Variants in PPFIBP1 observed in about 807,000 individuals in gnomAD.
PPFIBP1 encodes PPFIB scaffold protein 1.
PPFIBP1 carries 112 observed loss-of-function variants against 137.8 expected under a neutral mutation model. The observed-to-expected ratio is 0.81, with a 90% CI of 0.70 to 0.95. The LOEUF is 0.95. Among genes scored for constraint, PPFIBP1 ranks in the 40% least tolerant of loss-of-function variants. The probability of loss-of-function intolerance (pLI) is 0.00; values close to 1 mark genes in which losing one functional copy is unlikely to be tolerated. For missense variants in PPFIBP1, 1,083 were observed against 1,196.6 expected, an observed-to-expected ratio of 0.91 and a Z score of 1.40; for synonymous variants, 378 against 417.3, an observed-to-expected ratio of 0.91 and a Z score of 1.15.
At chr12:27,563,460 GAAAAA>G (rs10607744) in intron 1 of PPFIBP1, among the ~76,000 whole-genome samples, 2 of 119,526 alleles carry the variant, frequency 1.7e-5, no homozygotes, top group Admixed American at 8.6e-5. Flanking sequence ...CCATCTCAAA[GAAAAA>G]AAAAAAAAAA....
intron 1 of PPFIBP1, chr12:27,552,727 AC>A (rs1374971375): frequency 6.6e-6 from 1 of 152,226 alleles, no homozygotes; most frequent in Non-Finnish European, 1.5e-5. Context: ...AAAGCATGGA[AC>A]AAAGGATCAT....
At chr12:27,536,105 AC>A (rs1944968060) in intron 1 of PPFIBP1, among the ~76,000 whole-genome samples, 1 of 152,144 alleles carries the variant, frequency 6.6e-6, no homozygotes, top group Admixed American at 6.5e-5. Context: ...GGCAGTCAGC[AC>A]CCACCTGCCT....
intron 17 of PPFIBP1, 103 bp downstream of exon 17, chr12:27,674,324 C>T (rs974222956): frequency 2.2e-5 from 17 of 765,578 alleles, no homozygotes; most frequent in African/African-American, 3.6e-5. Context: ...ACCTCTAGAA[C>T]ATTATGCTAA....
chr12:27,640,427 C>T (rs763781774), intron 4 of PPFIBP1, among the ~76,000 whole-genome samples: 2 of 152,136 alleles, frequency 1.3e-5, no homozygotes, highest in Non-Finnish European at 2.9e-5. Flanking sequence ...GAGTGAATCA[C>T]GATATTGAAT....
chr12:27,626,645 C>T lies in PPFIBP1; in HGVS notation c.-35-6717C>T, dbSNP rs1372100974. Among the ~76,000 whole-genome samples, 18 of 152,138 alleles carry T rather than the reference C, an allele frequency of 1.2e-4. 1 individual carries two copies. In the East Asian group the frequency reaches 3.5e-3, roughly 29 times the overall value. ...GCAGTGGTGCGATCTTGGCTCACTG[C>T]AACCTCTGCCTCCTGGGTTCAAGCA... On this transcript the variant is annotated intron_variant, in intron 2 of 29. Transcript: ENST00000228425.
At chr12:27,659,771 C>A (rs895726346) in intron 10 of PPFIBP1, among the ~76,000 whole-genome samples, 1 of 152,068 alleles carries the variant, frequency 6.6e-6, no homozygotes, top group African/African-American at 2.4e-5. Context: ...GAATGATGCA[C>A]CACTGTTTTA....
At chr12:27,687,604 G>A in intron 25 of PPFIBP1, 97 bp downstream of exon 25, 2 of 1,392,444 alleles carry the variant, frequency 1.4e-6, no homozygotes, top group Non-Finnish European at 1.9e-6. Flanking sequence ...GAGCCTGCAG[G>A]AAAAGCCTTA....
chr12:27,607,641 G>A (rs569597702), intron 2 of PPFIBP1, among the ~76,000 whole-genome samples: 1 of 152,104 alleles, frequency 6.6e-6, no homozygotes, highest in Non-Finnish European at 1.5e-5. Flanking sequence ...TGGTCTGGGG[G>A]CCACACTTTG....
At chr12:27,600,639 C>A (rs1261174488) in intron 2 of PPFIBP1, among the ~76,000 whole-genome samples, 1 of 151,754 alleles carries the variant, frequency 6.6e-6, no homozygotes, top group African/African-American at 2.4e-5. Context: ...CCCTCCTGAG[C>A]ATTATTCTGA....
chr12:27,599,142 C>T (rs1435466809), intron 2 of PPFIBP1, among the ~76,000 whole-genome samples: 1 of 152,144 alleles, frequency 6.6e-6, no homozygotes, highest in Non-Finnish European at 1.5e-5. Flanking sequence ...TTGGCTAGGC[C>T]ATGTGGTGCT....
chr12:27,569,812 G>A (rs1013343267), intron 1 of PPFIBP1, among the ~76,000 whole-genome samples: 1 of 152,052 alleles, frequency 6.6e-6, no homozygotes, highest in Non-Finnish European at 1.5e-5. Context: ...ACCTGCCTCG[G>A]CCTCCCAAAG....
intron 9 of PPFIBP1, among the ~76,000 whole-genome samples, chr12:27,658,485 A>C (rs2059350075): frequency 6.6e-6 from 1 of 152,206 alleles, no homozygotes; most frequent in Admixed American, 6.5e-5. Flanking sequence ...GAAATATAAA[A>C]ACAAAGTGAC....
intron 1 of PPFIBP1, among the ~76,000 whole-genome samples, chr12:27,561,626 T>C (rs1167448749): frequency 6.6e-6 from 1 of 152,162 alleles, no homozygotes; most frequent in African/African-American, 2.4e-5. Context: ...TGGTCTCTCC[T>C]CTCCAGCTTC....
intron 28 of PPFIBP1, among the ~76,000 whole-genome samples, 168 bp from the exon 29 acceptor site, chr12:27,692,423 T>G (rs1277433659): frequency 6.6e-6 from 1 of 152,236 alleles, no homozygotes; most frequent in Non-Finnish European, 1.5e-5. Context: ...TTCTAATTTT[T>G]CACTTCCAGT....
chr12:27,586,373 C>T (rs1287457345), intron 2 of PPFIBP1, among the ~76,000 whole-genome samples: 2 of 152,118 alleles, frequency 1.3e-5, no homozygotes, highest in African/African-American at 4.8e-5. Flanking sequence ...TGGCTTTAAT[C>T]ATGTAAGAGA....
At chr12:27,689,322 A>G in intron 27 of PPFIBP1, 119 bp downstream of exon 27, 2 of 839,792 alleles carry the variant, frequency 2.4e-6, no homozygotes, top group South Asian at 2.0e-5. Context: ...CCTTACCAGC[A>G]GATGCAGGAA....
intron 2 of PPFIBP1, among the ~76,000 whole-genome samples, chr12:27,624,131 G>T (rs1191194158): frequency 6.6e-6 from 1 of 152,062 alleles, no homozygotes; most frequent in East Asian, 1.9e-4. Flanking sequence ...AGGTGAGAGG[G>T]CAGAAGTGTC....
intron 1 of PPFIBP1, among the ~76,000 whole-genome samples, chr12:27,577,582 T>G (rs1350795245): frequency 6.6e-6 from 1 of 152,220 alleles, no homozygotes; most frequent in African/African-American, 2.4e-5. Flanking sequence ...TGTATCATGG[T>G]GAGGATATAT....
intron 2 of PPFIBP1, among the ~76,000 whole-genome samples, chr12:27,619,072 G>A (rs1247836312): frequency 6.6e-6 from 1 of 152,132 alleles, no homozygotes; most frequent in East Asian, 1.9e-4. Flanking sequence ...ACTTGATGAT[G>A]CGGTAATCTT....
Sources: allele counts gnomAD v4.1 joint callset (sites outside exome capture counted in the v4.1 genomes callset), GRCh38; gene constraint gnomAD v4.1.1; transcripts MANE v1.5; gene names NCBI Gene and HGNC (gene_info 2026-07-23, HGNC 2026-07-21).